The following CD36 variants were observed in gnomAD, a reference collection of about 807,000 sequenced individuals.
CD36 encodes the protein CD36 molecule (CD36 blood group), also known as platelet glycoprotein 4.
Under a neutral mutation model 55.2 loss-of-function variants are expected in CD36, and 119 were observed. The ratio of observed to expected loss-of-function variants is 2.15; its 90% CI spans 1.86 to 2.51. The LOEUF (loss-of-function observed/expected upper bound fraction) is 2.51, where lower values mean the gene tolerates loss of function less well. Ranked by LOEUF, CD36 falls within the 30% of genes most tolerant of loss-of-function variation. CD36 has a pLI of 0.00. For synonymous variants in CD36, 186 were observed against 193.6 expected (o/e 0.96, Z 0.33); for missense variants, 819 against 555.5 (o/e 1.47, Z -4.77).
intron 1 of CD36, among the ~76,000 whole-genome samples, chr7:80,643,953 ATAT>A (rs1794978344): frequency 6.6e-6 from 1 of 152,178 alleles, no homozygotes; most frequent in Non-Finnish European, 1.5e-5. Flanking sequence ...ATTCAATAAA[ATAT>A]TATGTACCTA....
chr7:80,670,091 CTT>C (rs1797513113), intron 9 of CD36, 69 bp downstream of exon 9: 2 of 904,104 alleles, frequency 2.2e-6, no homozygotes, highest in African/African-American at 1.6e-5. Flanking sequence ...GACCAAGAAA[CTT>C]AAACACAGCA....
At chr7:80,660,838 T>C (rs2116649915) in intron 4 of CD36, among the ~76,000 whole-genome samples, 1 of 152,304 alleles carries the variant, frequency 6.6e-6, no homozygotes, top group East Asian at 1.9e-4. Flanking sequence ...TATAACAATA[T>C]TCCTTCTCTC....
intron 4 of CD36, among the ~76,000 whole-genome samples, chr7:80,658,960 G>C (rs1454241130): frequency 6.6e-6 from 1 of 152,126 alleles, no homozygotes; most frequent in African/African-American, 2.4e-5. Context: ...GGTTTGCTTA[G>C]AGAGGCAATG....
intron 5 of CD36, chr7:80,662,464 C>G (rs1274669646): frequency 3.8e-6 from 1 of 260,520 alleles, no homozygotes; most frequent in African/African-American, 2.3e-5. Flanking sequence ...GGTCAGGTCA[C>G]TGGCAGAGAG....
chr7:80,672,540 A>G (rs1432539875), intron 11 of CD36, among the ~76,000 whole-genome samples: 1 of 151,628 alleles, frequency 6.6e-6, no homozygotes, highest in Non-Finnish European at 1.5e-5. Context: ...CAAGTAACTC[A>G]CAAATCTAAC....
chr7:80,618,766 C>G (rs955266030), intron 1 of CD36, among the ~76,000 whole-genome samples: 4 of 152,136 alleles, frequency 2.6e-5, no homozygotes, highest in Admixed American at 2.0e-4. Context: ...GTGTGAAGCT[C>G]ACAGAGGTTG....
intron 9 of CD36, chr7:80,670,323 G>A: frequency 2.5e-6 from 1 of 397,062 alleles, no homozygotes; most frequent in South Asian, 2.3e-5. Context: ...AAATGTAACA[G>A]AACTGTGTTA....
At chr7:80,649,329 A>C (rs556245451) in intron 3 of CD36, among the ~76,000 whole-genome samples, 1 of 152,106 alleles carries the variant, frequency 6.6e-6, no homozygotes, top group Non-Finnish European at 1.5e-5. Context: ...TACAGCAGAA[A>C]GGTTGCAAAG....
At position 80,673,304 on chromosome 7, in the gene CD36, TATATAA is replaced by T. The variant is rs146504815; in HGVS notation, c.1200-46_1200-41del. On this transcript the variant is annotated intron_variant, in intron 12 of 14. Coordinates refer to ENST00000447544, the MANE Select transcript of CD36 (RefSeq NM_001001548.3). ...TGAACATTTATTTTAAAGTTTGTTATATATAAATATTAGTTTATATGTTCATAATTA... is the reference window on the plus strand; with the variant it reads ...TGAACATTTATTTTAAAGTTTGTTATATATTAGTTTATATGTTCATAATTA... 9.4e-5 allele frequency: 76 copies of T among 812,470 alleles called. No individual in the cohort carries two copies. In the African/African-American group the frequency reaches 1.1e-3, roughly 12 times the overall value. The allele number at this position is 812,470 out of a possible 1,614,324, so 50.3% of individuals were successfully genotyped here.
rs200578929 is a variant in CD36 at position 80,649,985 on chromosome 7, GA to G, written c.120+3128del. The stretch of plus-strand genomic sequence containing the variant: ...TTAGAACATGGTCACCAATAATTTT[GA>G]AAGTATACTTTGAGTAGGGTAATAA... On this transcript the variant is annotated intron_variant, in intron 3 of 14. Coordinates refer to ENST00000447544, the MANE Select transcript of CD36 (RefSeq NM_001001548.3). Among the ~76,000 whole-genome samples, 786 of 152,152 alleles carry G rather than the reference GA, an allele frequency of 5.2e-3. 8 individuals carry two copies. The highest frequency in any genetic ancestry group is 0.018 in the African/African-American group (737 of 41,538).
intron 1 of CD36, among the ~76,000 whole-genome samples, chr7:80,632,591 C>CA (rs913654261): frequency 2.0e-5 from 3 of 151,848 alleles, no homozygotes; most frequent in Non-Finnish European, 4.4e-5. Flanking sequence ...TTAAATGGAA[C>CA]AAAAAATCAT....
intron 7 of CD36, among the ~76,000 whole-genome samples, chr7:80,665,335 A>C (rs1342618964): frequency 6.6e-6 from 1 of 150,388 alleles, no homozygotes; most frequent in Non-Finnish European, 1.5e-5. Context: ...GTGTTTGACT[A>C]GTTTTTTTCT....
At position 80,661,079 on chromosome 7, in the gene CD36, A is replaced by T. The variant is rs1399769891; in HGVS notation, c.298A>T (p.Lys100Ter). The change falls in exon 5 of 15, where the codon AAG becomes TAG. Residue 100 changes from lysine to a stop codon, truncating the protein, a stop_gained. Transcript: ENST00000447544. LOFTEE classifies it high-confidence loss of function. Reference protein sequence around the residue: ...PYTYRVRFLAKENVTQDAEDN... With the variant: ...PYTYRVRFLA ...TTTCTTTAGAGTTCGTTTTCTAGCCAAGGAAAATGTAACCCAGGACGCTGA... is the reference window on the plus strand; with the variant it reads ...TTTCTTTAGAGTTCGTTTTCTAGCCTAGGAAAATGTAACCCAGGACGCTGA... 2 of 1,613,690 alleles carry T rather than the reference A, an allele frequency of 1.2e-6. No homozygotes were observed. Among genetic ancestry groups the T allele is most frequent in the Non-Finnish European group, 8.5e-7 (1 of 1,179,720 alleles).
chr7:80,647,258 C>CTGTGTGTGTGTG (rs3138813), intron 3 of CD36: 170 of 204,960 alleles, frequency 8.3e-4, no homozygotes, highest in African/African-American at 2.6e-3. Context: ...AAAAGTAAAA[C>CTGTGTGTGTGTG]TGTGTGTGTG....
chr7:80,662,452 T>C (rs552468411), intron 5 of CD36: 20 of 252,250 alleles, frequency 7.9e-5, no homozygotes, highest in Non-Finnish European at 1.7e-4. Context: ...ATCCGCACCA[T>C]TGGTCAGGTC....
chr7:80,672,955 T>TTATCTTTAGCTTA (rs1442351754), intron 12 of CD36, 112 bp downstream of exon 12: 1 of 745,894 alleles, frequency 1.3e-6, no homozygotes, highest in Non-Finnish European at 2.4e-6. Flanking sequence ...TGATATCAAC[T>TTATCTTTAGCTTA]TATCTTTAGC....
At position 80,609,879 on chromosome 7, in the gene CD36, C is replaced by T. The variant is rs1300119538; in HGVS notation, c.-184+7500C>T. 2.0e-5 allele frequency among the ~76,000 whole-genome samples: 3 copies of T among 152,086 alleles called. No homozygotes were observed. In the East Asian group the frequency reaches 5.8e-4, roughly 29 times the overall value. On this transcript the variant is annotated intron_variant, in intron 1 of 13. Transcript: ENST00000309881. The stretch of plus-strand genomic sequence containing the variant: ...GCTTGTGATCTGTTGGTGAAGGGAG[C>T]CAGATGAGAATTTGGTTCAGGTTAC...
At chr7:80,653,394 C>T (rs1795776259) in intron 3 of CD36, among the ~76,000 whole-genome samples, 1 of 152,170 alleles carries the variant, frequency 6.6e-6, no homozygotes, top group East Asian at 1.9e-4. Flanking sequence ...CAAGTGAGTG[C>T]ATGACTACAT....
Position 80,674,019 on chromosome 7 carries a change from AG to A in CD36, c.1292del (p.Arg431LysfsTer4). ...TGGTGATGAGAAGGCAAACATGTTCAGAAGTCAAGTAACTGGAAAAATAAAC... is the reference window on the plus strand; with the variant it reads ...TGGTGATGAGAAGGCAAACATGTTCAAAGTCAAGTAACTGGAAAAATAAAC... The part of the protein sequence containing the change: ...TIGDEKANMF[R>X]SQVTGKINLL... On this transcript the variant is annotated frameshift_variant, in exon 14 of 15. Coordinates refer to ENST00000447544, the MANE Select transcript of CD36 (RefSeq NM_001001548.3). LOFTEE classifies it high-confidence loss of function. The A allele has an allele frequency of 6.2e-7, 1 of 1,612,428 alleles. No individual in the cohort carries two copies. The highest frequency in any genetic ancestry group is 8.5e-7 in the Non-Finnish European group (1 of 1,178,884).
Sources: gnomAD v4.1 joint callset for allele counts (sites outside exome capture counted in the v4.1 genomes callset) on GRCh38, gnomAD v4.1.1 for gene constraint, MANE v1.5 for transcripts, NCBI Gene and HGNC (gene_info 2026-07-23, HGNC 2026-07-21) for gene names.